Variants in GRIA4 observed in about 807,000 individuals in gnomAD.
GRIA4 encodes the protein glutamate ionotropic receptor AMPA type subunit 4.
In GRIA4, 34 loss-of-function variants were observed where a neutral mutation model predicts 104.0. That is an observed-to-expected ratio of 0.33 (90% confidence interval 0.25 to 0.44). GRIA4 has a LOEUF of 0.44. GRIA4 is among the 20% of genes least tolerant of loss of function. The pLI is 1.00. For synonymous variants in GRIA4, 386 were observed against 381.9 expected, an observed-to-expected ratio of 1.01 and a Z score of -0.13; for missense variants, 750 against 1,096.5, an observed-to-expected ratio of 0.68 and a Z score of 4.46.
At chr11:105,772,558 AG>A (rs1941258546) in intron 4 of GRIA4, among the ~76,000 whole-genome samples, 1 of 152,114 alleles carries the variant, frequency 6.6e-6, no homozygotes, top group South Asian at 2.1e-4. Flanking sequence ...TCAATTTTGG[AG>A]GGAGTTAAAA....
At chr11:105,655,488 A>G (rs1951816667) in intron 3 of GRIA4, among the ~76,000 whole-genome samples, 2 of 151,902 alleles carry the variant, frequency 1.3e-5, no homozygotes, top group Non-Finnish European at 2.9e-5. Flanking sequence ...TCCCTCCCCT[A>G]GTCCCCCACC....
intron 4 of GRIA4, among the ~76,000 whole-genome samples, chr11:105,766,979 T>G (rs1940975305): frequency 6.6e-6 from 1 of 152,182 alleles, no homozygotes. Context: ...ACAGCACATT[T>G]TATCTCCTTA....
intron 4 of GRIA4, among the ~76,000 whole-genome samples, chr11:105,846,897 C>A (rs1252196250): frequency 6.6e-6 from 1 of 152,178 alleles, no homozygotes; most frequent in African/African-American, 2.4e-5. Flanking sequence ...GAAAGAGTAA[C>A]ATTACTGTAT....
intron 6 of GRIA4, among the ~76,000 whole-genome samples, chr11:105,896,234 A>G (rs180870976): frequency 7.2e-5 from 11 of 152,160 alleles, no homozygotes; most frequent in African/African-American, 2.6e-4. Flanking sequence ...GTCTTTTGGG[A>G]AGTATCTGTT....
chr11:105,628,043 A>G (rs953330026), intron 3 of GRIA4, among the ~76,000 whole-genome samples: 6 of 152,164 alleles, frequency 3.9e-5, no homozygotes, highest in African/African-American at 1.4e-4. Context: ...CAAGATTAAA[A>G]TAATAATTAG....
chr11:105,636,582 C>G (rs1263994506), intron 3 of GRIA4, among the ~76,000 whole-genome samples: 1 of 152,186 alleles, frequency 6.6e-6, no homozygotes, highest in African/African-American at 2.4e-5. Context: ...CACCTCTCCC[C>G]TTTTTCCCTT....
chr11:105,866,124 A>C (rs568320605), intron 5 of GRIA4, among the ~76,000 whole-genome samples: 1 of 152,234 alleles, frequency 6.6e-6, no homozygotes, highest in Admixed American at 6.5e-5. Context: ...GATGGATAAG[A>C]AATCTTTAGT....
chr11:105,791,670 C>T (rs1189662173), intron 4 of GRIA4, among the ~76,000 whole-genome samples: 2 of 152,116 alleles, frequency 1.3e-5, no homozygotes, highest in African/African-American at 4.8e-5. Flanking sequence ...CTCAGTGATT[C>T]TTTCAACTGT....
intron 4 of GRIA4, among the ~76,000 whole-genome samples, chr11:105,844,809 C>T (rs1038238468): frequency 6.6e-6 from 1 of 152,182 alleles, no homozygotes; most frequent in Non-Finnish European, 1.5e-5. Flanking sequence ...TACTATTGCA[C>T]ACACACAAAC....
intron 14 of GRIA4, among the ~76,000 whole-genome samples, chr11:105,966,684 A>G (rs1277568090): frequency 8.2e-5 from 11 of 133,448 alleles, no homozygotes; most frequent in Admixed American, 4.0e-4. Context: ...TCTTAACTCC[A>G]GCTTCCTAAA....
At chr11:105,890,195 C>T (rs1946408831) in intron 6 of GRIA4, among the ~76,000 whole-genome samples, 2 of 152,152 alleles carry the variant, frequency 1.3e-5, no homozygotes, top group Non-Finnish European at 2.9e-5. Context: ...TACAGACATG[C>T]ATTTTTGTAA....
intron 4 of GRIA4, among the ~76,000 whole-genome samples, chr11:105,796,021 A>G (rs545251347): frequency 6.0e-4 from 91 of 152,250 alleles, no homozygotes; most frequent in African/African-American, 2.1e-3. Flanking sequence ...CCCATTTCTA[A>G]TCATTATCCC....
intron 11 of GRIA4, among the ~76,000 whole-genome samples, chr11:105,922,336 C>T (rs1286040491): frequency 1.3e-5 from 2 of 152,052 alleles, no homozygotes; most frequent in Admixed American, 1.3e-4. Flanking sequence ...TTGCATAGTG[C>T]TGGGGATGGT....
intron 9 of GRIA4, among the ~76,000 whole-genome samples, chr11:105,907,064 A>C (rs1168701323): frequency 6.6e-6 from 1 of 152,210 alleles, no homozygotes; most frequent in Non-Finnish European, 1.5e-5. Flanking sequence ...AGAACATCAA[A>C]TCATTCTCTA....
chr11:105,955,711 G>T (rs1010362912), intron 14 of GRIA4, among the ~76,000 whole-genome samples: 19 of 152,254 alleles, frequency 1.2e-4, no homozygotes, highest in African/African-American at 4.3e-4. Flanking sequence ...TTCCACAATG[G>T]TTAGACTAAT....
chr11:105,787,448 C>A (rs1942018447), intron 4 of GRIA4, among the ~76,000 whole-genome samples: 1 of 147,494 alleles, frequency 6.8e-6, no homozygotes, highest in African/African-American at 2.5e-5. Context: ...AGACTAAAAG[C>A]AGTCTAAAAG....
At chr11:105,973,618 AT>A (rs1427898835) in intron 15 of GRIA4, among the ~76,000 whole-genome samples, 2 of 152,204 alleles carry the variant, frequency 1.3e-5, no homozygotes, top group African/African-American at 4.8e-5. Flanking sequence ...TAATTTATAT[AT>A]TTTTTAAAGT....
chr11:105,813,093 CAAA>C (rs58984237), intron 4 of GRIA4, among the ~76,000 whole-genome samples: 10 of 80,446 alleles, frequency 1.2e-4, no homozygotes, highest in Admixed American at 3.2e-4. Flanking sequence ...GACTCCATCT[CAAA>C]AAAAAAAAAA....
intron 3 of GRIA4, among the ~76,000 whole-genome samples, chr11:105,616,503 T>C (rs1439226266): frequency 6.6e-6 from 1 of 151,494 alleles, no homozygotes; most frequent in Non-Finnish European, 1.5e-5. Context: ...TTTCCACTTA[T>C]AAAGTAGGTA....
Sources: gnomAD v4.1 joint callset for allele counts (sites outside exome capture counted in the v4.1 genomes callset) on GRCh38, gnomAD v4.1.1 for gene constraint, MANE v1.5 for transcripts, NCBI Gene and HGNC (gene_info 2026-07-23, HGNC 2026-07-21) for gene names.